The following RIMS2 variants were observed in gnomAD, a reference collection of about 807,000 sequenced individuals.
The protein encoded by RIMS2 is regulating synaptic membrane exocytosis 2, also known as regulating synaptic membrane exocytosis protein 2.
Under a neutral mutation model 174.4 loss-of-function variants are expected in RIMS2, and 59 were observed. The ratio of observed to expected loss-of-function variants is 0.34; its 90% CI spans 0.27 to 0.42. The LOEUF is 0.42. Ranked by LOEUF, RIMS2 falls within the 10% of genes least tolerant of loss-of-function variation. RIMS2 has a pLI of 1.00. For synonymous variants in RIMS2, 606 were observed against 572.5 expected (o/e 1.06, Z -0.84); for missense variants, 1,620 against 1,666.3 (o/e 0.97, Z 0.48).
At chr8:103,597,715 C>A (rs2094531166) in intron 1 of RIMS2, among the ~76,000 whole-genome samples, 1 of 145,724 alleles carries the variant, frequency 6.9e-6, no homozygotes, top group Non-Finnish European at 1.5e-5. Context: ...TATAAAGGCA[C>A]CTCATGTTAT....
At chr8:104,154,200 C>T (rs1392821080) in intron 19 of RIMS2, among the ~76,000 whole-genome samples, 1 of 152,116 alleles carries the variant, frequency 6.6e-6, no homozygotes, top group African/African-American at 2.4e-5. Flanking sequence ...AATAAATTCC[C>T]CAAATTTACC....
chr8:103,942,966 T>C, intron 14 of RIMS2, 40 bp downstream of exon 16: 1 of 1,510,012 alleles, frequency 6.6e-7, no homozygotes, highest in Non-Finnish European at 9.1e-7. Flanking sequence ...TTATTGTATT[T>C]TCCTAATCTT....
At chr8:103,630,802 C>CA (rs2135188518) in intron 1 of RIMS2, among the ~76,000 whole-genome samples, 1 of 151,704 alleles carries the variant, frequency 6.6e-6, no homozygotes, top group East Asian at 1.9e-4. Context: ...AAAAAGGAAC[C>CA]AAAAAAAGAA....
At position 103,917,607 on chromosome 8, in the gene RIMS2, C is replaced by G. The variant is rs115036501; in HGVS notation, c.2037-834C>G. The stretch of plus-strand genomic sequence containing the variant: ...ATGAATGTAACCATTAATGTTTACC[C>G]CTTGTGTCAAATCTCAAATAAAAAG... On this transcript the variant is annotated intron_variant, in intron 8 of 23. Coordinates refer to ENST00000504942, the Ensembl canonical transcript of RIMS2. Among the ~76,000 whole-genome samples the G allele has an allele frequency of 8.5e-3, 1,296 of 152,052 alleles. 19 individuals carry two copies. The highest frequency in any genetic ancestry group is 0.029 in the African/African-American group (1,223 of 41,494).
intron 1 of RIMS2, among the ~76,000 whole-genome samples, chr8:103,668,053 A>G (rs1399007515): frequency 2.0e-5 from 3 of 152,206 alleles, no homozygotes; most frequent in African/African-American, 7.2e-5. Flanking sequence ...ACTTTGGCAT[A>G]ATACATTAAA....
intron 19 of RIMS2, among the ~76,000 whole-genome samples, chr8:104,235,530 G>GT (rs1194045149): frequency 1.3e-5 from 2 of 152,036 alleles, no homozygotes; most frequent in Non-Finnish European, 2.9e-5. Context: ...GAGTAGTTGA[G>GT]TTTTTTCCCA....
At chr8:104,140,769 T>A (rs1429378346) in intron 19 of RIMS2, among the ~76,000 whole-genome samples, 1 of 152,132 alleles carries the variant, frequency 6.6e-6, no homozygotes, top group Non-Finnish European at 1.5e-5. Flanking sequence ...GCTAAAGGAA[T>A]CAATCAATTT....
chr8:103,556,024 C>T (rs957389529), intron 1 of RIMS2, among the ~76,000 whole-genome samples: 1 of 151,988 alleles, frequency 6.6e-6, no homozygotes, highest in Admixed American at 6.6e-5. Flanking sequence ...ATTGTGTTTA[C>T]CAGGGACTCT....
chr8:103,766,464 C>G, exon 3 of RIMS2: 2 of 1,613,800 alleles, frequency 1.2e-6, no homozygotes, highest in Non-Finnish European at 1.7e-6. Flanking sequence ...ATCTCATGGG[C>G]TCACAAGACA....
At chr8:103,986,680 G>A (rs765424746) in intron 16 of RIMS2, among the ~76,000 whole-genome samples, 6 of 151,958 alleles carry the variant, frequency 3.9e-5, no homozygotes, top group Non-Finnish European at 5.9e-5. Context: ...TGACCAGCCT[G>A]GCCAACCTGG....
At chr8:104,105,460 G>A (rs2098028565) in intron 19 of RIMS2, among the ~76,000 whole-genome samples, 1 of 152,132 alleles carries the variant, frequency 6.6e-6, no homozygotes, top group African/African-American at 2.4e-5. Context: ...GGTTCCACTT[G>A]CTATTGGTGT....
intron 2 of RIMS2, among the ~76,000 whole-genome samples, chr8:103,756,161 A>AGTTTTC (rs1487814376): frequency 1.3e-5 from 2 of 152,006 alleles, no homozygotes; most frequent in Non-Finnish European, 2.9e-5. Context: ...TCTGTTTGTT[A>AGTTTTC]GTTTTCCTAC....
At chr8:104,207,409 A>G (rs919497407) in intron 19 of RIMS2, among the ~76,000 whole-genome samples, 3 of 152,164 alleles carry the variant, frequency 2.0e-5, no homozygotes, top group Non-Finnish European at 2.9e-5. Flanking sequence ...CCAGCTTTCT[A>G]TGTCATGGTC....
At chr8:104,112,561 T>C (rs959369308) in intron 19 of RIMS2, among the ~76,000 whole-genome samples, 6 of 152,216 alleles carry the variant, frequency 3.9e-5, no homozygotes, top group Non-Finnish European at 5.9e-5. Context: ...CATTCTGAGA[T>C]GAGGATTCTC....
intron 15 of RIMS2, among the ~76,000 whole-genome samples, chr8:103,974,193 G>T (rs1282522703): frequency 2.0e-5 from 3 of 152,108 alleles, no homozygotes; most frequent in African/African-American, 7.2e-5. Context: ...TCATGTACAG[G>T]TGAATCCTTG....
chr8:103,692,205 C>T (rs1471516828), intron 1 of RIMS2, among the ~76,000 whole-genome samples: 2 of 152,154 alleles, frequency 1.3e-5, no homozygotes, highest in Non-Finnish European at 2.9e-5. Flanking sequence ...CAACCACTGC[C>T]TGAGTACCAC....
chr8:103,929,846 T>A (rs934894142), intron 11 of RIMS2, among the ~76,000 whole-genome samples: 5 of 151,972 alleles, frequency 3.3e-5, no homozygotes, highest in Admixed American at 6.6e-5. Context: ...TTTCCTTTAG[T>A]ATTTTGGAGA....
chr8:103,743,461 T>TA (rs1034354229), intron 2 of RIMS2, among the ~76,000 whole-genome samples: 4 of 152,142 alleles, frequency 2.6e-5, no homozygotes, highest in African/African-American at 4.8e-5. Flanking sequence ...ATTATTAGGA[T>TA]AAAAAAACCG....
intron 7 of RIMS2, 100 bp from the exon 11 acceptor site, chr8:103,916,314 T>C: frequency 1.2e-6 from 1 of 813,868 alleles, no homozygotes. Context: ...ATAATGGTTA[T>C]TTTATCCTAT....
Sources: allele counts gnomAD v4.1 joint callset (sites outside exome capture counted in the v4.1 genomes callset), GRCh38; gene constraint gnomAD v4.1.1; transcripts MANE v1.5; gene names NCBI Gene and HGNC (gene_info 2026-07-23, HGNC 2026-07-21).